Variants in MRPS28 observed in about 807,000 individuals in gnomAD.
MRPS28 encodes small ribosomal subunit protein bS1m.
In MRPS28, 7 loss-of-function variants were observed where a neutral mutation model predicts 10.8. The ratio of observed to expected loss-of-function variants is 0.65; its 90% CI spans 0.37 to 1.22. The LOEUF (loss-of-function observed/expected upper bound fraction) is 1.22. Among genes scored for constraint, MRPS28 ranks in the 50% most tolerant of loss-of-function variants. The pLI is 0.02. For synonymous variants in MRPS28, 121 were observed against 93.3 expected, an observed-to-expected ratio of 1.30 and a Z score of -1.71; for missense variants, 265 against 232.9, an observed-to-expected ratio of 1.14 and a Z score of -0.90.
intron 2 of MRPS28, among the ~76,000 whole-genome samples, chr8:79,927,632 A>G (rs1292542041): frequency 6.6e-6 from 1 of 152,208 alleles, no homozygotes; most frequent in Non-Finnish European, 1.5e-5. Flanking sequence ...CAACAATTAG[A>G]CAGACTATCC....
At chr8:79,981,492 A>T (rs1479030739) in intron 2 of MRPS28, among the ~76,000 whole-genome samples, 1 of 152,228 alleles carries the variant, frequency 6.6e-6, no homozygotes, top group Admixed American at 6.5e-5. Context: ...AGATTTAAAG[A>T]GTTTGTGTTT....
In MRPS28 at chr8:80,003,084, T is replaced by C. The variant is rs768384432; in HGVS notation, c.310A>G (p.Ile104Val). ...PAKDKLVIGR[I>V]FHIVENDLYI... is the part of the protein sequence containing the mutation. ...AGATCATTCTCCACAATATGAAAGA[T>C]CCGTCCAATGACCAGTTTATCCTTT... The change falls in exon 2 of 3, where the codon ATC becomes GTC. Residue 104 changes from isoleucine to valine, a missense_variant. Coordinates refer to ENST00000276585, the MANE Select transcript of MRPS28 (RefSeq NM_014018.3). 19 of 1,613,852 alleles carry C rather than the reference T, an allele frequency of 1.2e-5. No homozygotes were observed. In the South Asian group the frequency reaches 2.0e-4, roughly 17 times the overall value.
At chr8:79,982,882 T>C (rs539159473) in intron 2 of MRPS28, among the ~76,000 whole-genome samples, 2 of 151,468 alleles carry the variant, frequency 1.3e-5, no homozygotes, top group Non-Finnish European at 2.9e-5. Context: ...CAGACTTAAA[T>C]GTCCCTGTCT....
In MRPS28 at chr8:79,944,453, T is replaced by G. The variant is rs567625999; in HGVS notation, c.396-25305A>C. On this transcript the variant is annotated intron_variant, in intron 2 of 2. Coordinates refer to ENST00000276585, the MANE Select transcript of MRPS28 (RefSeq NM_014018.3). ...AATATTTAGTTAATACATTTCTATA[T>G]GCTACGTTTATATGTGCAGCAAAAT... Among the ~76,000 whole-genome samples the G allele has an allele frequency of 3.9e-5, 6 of 152,334 alleles. No individual in the cohort carries two copies. In the East Asian group the frequency reaches 1.2e-3, roughly 29 times the overall value.
intron 2 of MRPS28, among the ~76,000 whole-genome samples, chr8:79,984,484 T>G (rs369165357): frequency 6.6e-6 from 1 of 152,126 alleles, no homozygotes. Context: ...ACTGGCAAAT[T>G]GGATAAAGAG....
intron 2 of MRPS28, among the ~76,000 whole-genome samples, chr8:79,978,902 T>TC (rs2130068511): frequency 6.6e-6 from 1 of 152,314 alleles, no homozygotes; most frequent in African/African-American, 2.4e-5. Flanking sequence ...GTATTTTTTT[T>TC]CACTATTGAA....
At chr8:79,953,168 G>A (rs769277559) in intron 2 of MRPS28, among the ~76,000 whole-genome samples, 2 of 152,140 alleles carry the variant, frequency 1.3e-5, no homozygotes, top group Non-Finnish European at 1.5e-5. Flanking sequence ...GAGCTCAGCA[G>A]GCTGCAGCCG....
chr8:80,014,438 G>A (rs1384843318), intron 1 of MRPS28, among the ~76,000 whole-genome samples: 1 of 152,188 alleles, frequency 6.6e-6, no homozygotes, highest in Non-Finnish European at 1.5e-5. Context: ...AATGACAGCT[G>A]TGCAGCAAGC....
At chr8:79,975,256 T>C (rs769943394) in intron 2 of MRPS28, among the ~76,000 whole-genome samples, 13 of 151,938 alleles carry the variant, frequency 8.6e-5, no homozygotes, top group Non-Finnish European at 1.8e-4. Context: ...GTGGTCATGC[T>C]ACTGCACTCC....
At chr8:79,921,761 G>A (rs1184023737) in intron 2 of MRPS28, among the ~76,000 whole-genome samples, 1 of 151,974 alleles carries the variant, frequency 6.6e-6, no homozygotes, top group Non-Finnish European at 1.5e-5. Context: ...TTTCCTAATT[G>A]AATACCCTTT....
intron 2 of MRPS28, among the ~76,000 whole-genome samples, chr8:79,952,081 C>T (rs751239126): frequency 1.6e-4 from 25 of 152,146 alleles, no homozygotes; most frequent in Non-Finnish European, 2.9e-4. Context: ...TTATCAACTT[C>T]GGAAAAGAAT....
At chr8:79,998,892 AACTT>A (rs1278656441) in intron 2 of MRPS28, among the ~76,000 whole-genome samples, 9 of 152,212 alleles carry the variant, frequency 5.9e-5, no homozygotes, top group African/African-American at 2.2e-4. Context: ...TGAAATGCCA[AACTT>A]ACTTATTAAA....
At chr8:79,991,895 A>G (rs1247143574) in intron 2 of MRPS28, among the ~76,000 whole-genome samples, 3 of 148,304 alleles carry the variant, frequency 2.0e-5, no homozygotes, top group African/African-American at 7.6e-5. Context: ...AAAAGGCATC[A>G]CCACTTCCTC....
chr8:79,998,618 A>T (rs1808571038), intron 2 of MRPS28, among the ~76,000 whole-genome samples: 1 of 152,222 alleles, frequency 6.6e-6, no homozygotes, highest in Admixed American at 6.5e-5. Flanking sequence ...AAATTGTCCC[A>T]GAGCTATAAT....
At chr8:80,006,852 G>A (rs537319735) in intron 1 of MRPS28, among the ~76,000 whole-genome samples, 12 of 152,308 alleles carry the variant, frequency 7.9e-5, no homozygotes, top group South Asian at 6.2e-4. Flanking sequence ...ACAAGGAGGA[G>A]CTGGTACCAT....
chr8:80,016,519 G>C (rs1018198858), intron 1 of MRPS28, among the ~76,000 whole-genome samples: 4 of 152,028 alleles, frequency 2.6e-5, no homozygotes, highest in African/African-American at 9.7e-5. Context: ...GAGGGAATTT[G>C]TTGCAAGTAG....
intron 2 of MRPS28, among the ~76,000 whole-genome samples, chr8:79,994,100 TTAGTAAAC>T (rs2130130325): frequency 6.6e-6 from 1 of 152,300 alleles, no homozygotes; most frequent in South Asian, 2.1e-4. Flanking sequence ...CATTAACACA[TTAGTAAAC>T]GGACTTTACT....
chr8:79,987,439 A>G (rs1412965544), intron 2 of MRPS28, among the ~76,000 whole-genome samples: 3 of 152,162 alleles, frequency 2.0e-5, no homozygotes, highest in South Asian at 2.1e-4. Context: ...ATCTAATTAA[A>G]CTAAAGAGCT....
intron 1 of MRPS28, among the ~76,000 whole-genome samples, chr8:80,006,468 C>T (rs1323204617): frequency 2.0e-5 from 3 of 152,044 alleles, no homozygotes; most frequent in Non-Finnish European, 4.4e-5. Context: ...TTCAAATAAT[C>T]AATGAATCCA....
Sources: gnomAD v4.1 joint callset for allele counts (sites outside exome capture counted in the v4.1 genomes callset) on GRCh38, gnomAD v4.1.1 for gene constraint, MANE v1.5 for transcripts, NCBI Gene and HGNC (gene_info 2026-07-23, HGNC 2026-07-21) for gene names.